SMAP2: variants seen among roughly 807,000 people sequenced by gnomAD.
SMAP2 encodes small ArfGAP2.
Under a neutral mutation model 56.4 loss-of-function variants are expected in SMAP2, and 25 were observed. That is an observed-to-expected ratio of 0.44 (90% CI 0.32 to 0.62). SMAP2 has a LOEUF of 0.62. SMAP2 is among the 20% of genes least tolerant of loss of function. The pLI, the probability that SMAP2 is intolerant of heterozygous loss-of-function variation, is 0.04. For synonymous variants in SMAP2, 157 were observed against 181.7 expected, an observed-to-expected ratio of 0.86 and a Z score of 1.09; for missense variants, 388 against 545.6, an observed-to-expected ratio of 0.71 and a Z score of 2.88.
intron 1 of SMAP2, 32 bp from the exon 2 acceptor site, chr1:40,406,704 G>A (rs200970328): frequency 3.2e-6 from 5 of 1,582,690 alleles, no homozygotes; most frequent in Middle Eastern, 1.7e-4. Flanking sequence ...GTTGTAATTT[G>A]TACTTTATTG....
At chr1:40,348,424 G>A (rs1644397878) in intron 1 of SMAP2, among the ~76,000 whole-genome samples, 1 of 152,172 alleles carries the variant, frequency 6.6e-6, no homozygotes, top group Non-Finnish European at 1.5e-5. Flanking sequence ...GCCAGGCACA[G>A]TGGCTCACGC....
chr1:40,401,481 A>G (rs1282376635), intron 1 of SMAP2, among the ~76,000 whole-genome samples: 1 of 152,114 alleles, frequency 6.6e-6, no homozygotes, highest in Non-Finnish European at 1.5e-5. Flanking sequence ...CAATTTATCA[A>G]TGTTTTTTCC....
chr1:40,397,216 C>A (rs573612995), intron 1 of SMAP2, among the ~76,000 whole-genome samples: 1 of 152,304 alleles, frequency 6.6e-6, no homozygotes, highest in East Asian at 1.9e-4. Flanking sequence ...TGCAAATCAT[C>A]TACTGTAGTA....
intron 1 of SMAP2, among the ~76,000 whole-genome samples, chr1:40,402,482 C>T (rs559101305): frequency 9.2e-5 from 14 of 151,748 alleles, no homozygotes; most frequent in East Asian, 1.9e-4. Flanking sequence ...GACAAGGTCT[C>T]GCTGTCATCT....
Position 40,417,053 on chromosome 1 carries a change from A to C in SMAP2, c.1121A>C (p.Tyr374Ser), listed in dbSNP as rs369609303. Residue 374 changes from tyrosine to serine, a missense_variant, in exon 9 of 10, where the codon TAT becomes TCT. Tyr to Ser is a moderately radical substitution (Grantham distance 144). Coordinates refer to ENST00000372718, the MANE Select transcript of SMAP2 (RefSeq NM_022733.3). ...ATGGCAGCTATGCCCCAGACTGTGT[A>C]TGGGGTCCAGCCAGCTCAGCAGCTG... ...AGMAAMPQTV[Y>S]GVQPAQQLQW... The C allele has an allele frequency of 6.2e-7, 1 of 1,612,286 alleles. No homozygotes were observed. Among genetic ancestry groups the C allele is most frequent in the South Asian group, 1.1e-5 (1 of 91,040 alleles).
At chr1:40,350,258 A>G (rs867340773) in intron 1 of SMAP2, among the ~76,000 whole-genome samples, 1 of 152,200 alleles carries the variant, frequency 6.6e-6, no homozygotes, top group Non-Finnish European at 1.5e-5. Flanking sequence ...GGGTCAGTAG[A>G]GTACCCAAAC....
intron 1 of SMAP2, among the ~76,000 whole-genome samples, chr1:40,355,599 G>A (rs923570092): frequency 6.6e-6 from 1 of 151,992 alleles, no homozygotes; most frequent in Non-Finnish European, 1.5e-5. Flanking sequence ...ATTTTTGACT[G>A]TAGTCACCCT....
chr1:40,375,822 T>C, intron 1 of SMAP2: 1 of 884,128 alleles, frequency 1.1e-6, no homozygotes, highest in Non-Finnish European at 1.3e-6. Context: ...TTTTGGTGAC[T>C]AGAACCCCCC....
chr1:40,388,659 G>A (rs921296480), intron 1 of SMAP2, among the ~76,000 whole-genome samples: 22 of 152,148 alleles, frequency 1.4e-4, no homozygotes, highest in African/African-American at 5.1e-4. Context: ...AAAACAGACC[G>A]CTCCGCTCTA....
At chr1:40,394,624 A>G (rs1256870404) in intron 1 of SMAP2, among the ~76,000 whole-genome samples, 1 of 152,042 alleles carries the variant, frequency 6.6e-6, no homozygotes, top group Non-Finnish European at 1.5e-5. Flanking sequence ...TCATAGCAGC[A>G]CATACCAGAA....
chr1:40,375,835 C>A (rs898758130), intron 1 of SMAP2: 3 of 822,332 alleles, frequency 3.6e-6, no homozygotes, highest in Non-Finnish European at 4.4e-6. Context: ...AACCCCCCCC[C>A]CCATTTCTCA....
chr1:40,391,819 T>G (rs2124276489), intron 1 of SMAP2, among the ~76,000 whole-genome samples: 1 of 152,304 alleles, frequency 6.6e-6, no homozygotes, highest in Admixed American at 6.5e-5. Context: ...TGTTTTTAAA[T>G]ATATGAGTAG....
At chr1:40,389,866 AT>A (rs1644698259) in intron 1 of SMAP2, among the ~76,000 whole-genome samples, 1 of 152,092 alleles carries the variant, frequency 6.6e-6, no homozygotes, top group Non-Finnish European at 1.5e-5. Context: ...CGTTTAAAGA[AT>A]CTTACTTGGG....
intron 1 of SMAP2, 46 bp from the exon 2 acceptor site, chr1:40,406,690 G>T: frequency 6.4e-7 from 1 of 1,568,798 alleles, no homozygotes; most frequent in South Asian, 1.2e-5. Flanking sequence ...TTTAGGCCTT[G>T]AATGTTGTAA....
chr1:40,394,891 C>A (rs1357769053), intron 1 of SMAP2, among the ~76,000 whole-genome samples: 1 of 152,060 alleles, frequency 6.6e-6, no homozygotes, highest in Non-Finnish European at 1.5e-5. Flanking sequence ...CTGTCTGTAT[C>A]CCATCCCCAA....
Position 40,406,740 on chromosome 1 carries a change from G to A in SMAP2, c.108G>A (p.Pro36=), listed in dbSNP as rs200012186. Residue 36 remains proline, a synonymous_variant, in exon 2 of 10, where the codon CCG becomes CCA. Coordinates refer to ENST00000372718, the MANE Select transcript of SMAP2 (RefSeq NM_022733.3). ...KFCADCQSKG[P]RWASWNIGVF... is the part of the protein sequence containing the mutation. ...CCCTGTTCCTGACTTTCACAGGGCCGCGATGGGCCTCTTGGAACATTGGTG... is the reference window on the plus strand; with the variant it reads ...CCCTGTTCCTGACTTTCACAGGGCCACGATGGGCCTCTTGGAACATTGGTG... The A allele has an allele frequency of 3.5e-5, 56 of 1,612,608 alleles. No homozygotes were observed. The African/African-American group carries it at 4.5e-4, about 13-fold the overall frequency.
Position 40,352,463 on chromosome 1 carries a change from C to T in SMAP2, c.-83+7553C>T, listed in dbSNP as rs373256675. ...AACTCCACTCTGTCAAGGCAGAGTT[C>T]GTCACTTCTTTCTCTTCTTCCTTCT... On this transcript the variant is annotated intron_variant, in intron 1 of 6. Coordinates refer to the SMAP2 transcript ENST00000435168. Among the ~76,000 whole-genome samples, 136 of 152,226 alleles carry T rather than the reference C, an allele frequency of 8.9e-4. 5 individuals carry two copies. In the South Asian group the frequency reaches 0.028, roughly 31 times the overall value.
At chr1:40,393,787 C>T (rs1323211765) in intron 1 of SMAP2, among the ~76,000 whole-genome samples, 1 of 152,118 alleles carries the variant, frequency 6.6e-6, no homozygotes, top group African/African-American at 2.4e-5. Context: ...CTCAGGTGAT[C>T]CACCGGCCTT....
intron 1 of SMAP2, among the ~76,000 whole-genome samples, chr1:40,395,442 G>A (rs971920095): frequency 6.6e-6 from 1 of 152,102 alleles, no homozygotes; most frequent in Admixed American, 6.5e-5. Flanking sequence ...AGTACTTTGG[G>A]AGGCCAAGGT....
Sources: gnomAD v4.1 joint callset for allele counts (sites outside exome capture counted in the v4.1 genomes callset) on GRCh38, gnomAD v4.1.1 for gene constraint, MANE v1.5 for transcripts, NCBI Gene and HGNC (gene_info 2026-07-23, HGNC 2026-07-21) for gene names.